The following GLIS3 variants were observed in gnomAD, a reference collection of about 807,000 sequenced individuals.
The protein encoded by GLIS3 is GLIS family zinc finger 3.
Under a neutral mutation model 78.6 loss-of-function variants are expected in GLIS3, and 53 were observed. The ratio of observed to expected loss-of-function variants is 0.67; its 90% CI spans 0.54 to 0.85. The LOEUF (loss-of-function observed/expected upper bound fraction) is 0.85, where lower values mean the gene tolerates loss of function less well. Ranked by LOEUF, GLIS3 falls within the 40% of genes least tolerant of loss-of-function variation. The probability of loss-of-function intolerance (pLI) is 0.00; values close to 1 mark genes in which losing one functional copy is unlikely to be tolerated. For missense variants in GLIS3, 1,703 were observed against 1,231.1 expected (o/e 1.38, Z -5.74); for synonymous variants, 684 against 509.9 (o/e 1.34, Z -4.60).
intron 2 of GLIS3, among the ~76,000 whole-genome samples, chr9:4,325,368 G>A (rs760513506): frequency 2.6e-5 from 4 of 152,112 alleles, no homozygotes; most frequent in Non-Finnish European, 4.4e-5. Context: ...AATGTGCTAG[G>A]GCATAATGTT....
rs1021911357 is a variant in GLIS3, at chr9:4,125,622, G to T, written c.596+112C>A. 24 of 784,420 alleles carry T rather than the reference G, an allele frequency of 3.1e-5. No homozygotes were observed. In the Admixed American group the frequency reaches 3.2e-4, roughly 10 times the overall value. 48.6% of individuals were successfully genotyped at this position (784,420 alleles called of 1,614,324 possible). On this transcript the variant is annotated intron_variant, in intron 3 of 10. Transcript: ENST00000381971. ...CAAATTGAGAGAGTTGCTTGAGTGT[G>T]TAAGTGTATGAGTGTGTGTGTGTGT... is the stretch of plus-strand genomic sequence containing the variant.
intron 4 of GLIS3, among the ~76,000 whole-genome samples, chr9:3,986,405 C>G (rs746712738): frequency 1.6e-4 from 25 of 152,182 alleles, no homozygotes; most frequent in Admixed American, 6.5e-4. Context: ...AATTCCACTC[C>G]CTTCTCACCA....
At chr9:4,395,350 A>G in the GLIS3 span, among the ~76,000 whole-genome samples, 1 of 152,124 alleles carries the variant, frequency 6.6e-6, no homozygotes, top group South Asian at 2.1e-4. Flanking sequence ...CGCTGACATG[A>G]TTTTCTTTTT....
chr9:4,181,619 C>A (rs770437216), intron 2 of GLIS3, among the ~76,000 whole-genome samples: 1 of 152,248 alleles, frequency 6.6e-6, no homozygotes, highest in Non-Finnish European at 1.5e-5. Context: ...CATGCACATG[C>A]AAGTGACTTT....
intron 4 of GLIS3, among the ~76,000 whole-genome samples, chr9:4,102,923 A>T (rs1830481504): frequency 6.6e-6 from 1 of 152,140 alleles, no homozygotes; most frequent in South Asian, 2.1e-4. Context: ...ACAGAGGAAT[A>T]AGTAGGTGTT....
At chr9:4,245,603 A>C (rs1485862327) in intron 2 of GLIS3, among the ~76,000 whole-genome samples, 1 of 152,222 alleles carries the variant, frequency 6.6e-6, no homozygotes, top group African/African-American at 2.4e-5. Context: ...AGAACAATGG[A>C]AACAAACAAG....
intron 1 of GLIS3, among the ~76,000 whole-genome samples, chr9:4,290,997 G>A (rs557372301): frequency 6.6e-6 from 1 of 152,022 alleles, no homozygotes; most frequent in Non-Finnish European, 1.5e-5. Context: ...CAGTACAACT[G>A]ACAAATTCAT....
chr9:4,446,143 T>G, the GLIS3 span, among the ~76,000 whole-genome samples: 1 of 152,238 alleles, frequency 6.6e-6, no homozygotes, highest in Non-Finnish European at 1.5e-5. Context: ...TGTTCTGGTC[T>G]GAATGTGTCC....
At chr9:4,072,325 T>G (rs7863639) in intron 4 of GLIS3, among the ~76,000 whole-genome samples, 54,855 of 151,740 alleles carry the variant, frequency 0.36, 9,918 homozygotes, top group East Asian at 0.4. Context: ...TCAGTGCAGT[T>G]TGAAATACTG....
intron 2 of GLIS3, among the ~76,000 whole-genome samples, chr9:4,205,950 T>G (rs1819840246): frequency 1.3e-5 from 2 of 152,222 alleles, no homozygotes; most frequent in Admixed American, 6.5e-5. Flanking sequence ...TTTCTTTTTT[T>G]TTAGTTTGTT....
chr9:3,890,164 C>G (rs1380614965), intron 7 of GLIS3, among the ~76,000 whole-genome samples: 1 of 152,170 alleles, frequency 6.6e-6, no homozygotes, highest in Non-Finnish European at 1.5e-5. Context: ...TTTCTTCCAC[C>G]TGCCTCACTC....
chr9:4,185,415 A>G (rs1021887383), intron 2 of GLIS3, among the ~76,000 whole-genome samples: 5 of 152,224 alleles, frequency 3.3e-5, no homozygotes, highest in Admixed American at 6.5e-5. Context: ...TGCCATGAAC[A>G]TTCACATGCA....
At chr9:4,424,481 G>C in the GLIS3 span, among the ~76,000 whole-genome samples, 2 of 152,136 alleles carry the variant, frequency 1.3e-5, no homozygotes, top group African/African-American at 2.4e-5. Flanking sequence ...ATCTTTAAAG[G>C]TCTAACGTGG....
intron 4 of GLIS3, among the ~76,000 whole-genome samples, chr9:4,059,825 TGTGTGAGAGA>T (rs1372606992): frequency 3.3e-5 from 4 of 120,270 alleles, no homozygotes; most frequent in African/African-American, 1.3e-4. Context: ...TGTGTGTGTG[TGTGTGAGAGA>T]GAGAGAGAGA....
At chr9:4,183,202 G>A (rs1471954503) in intron 2 of GLIS3, among the ~76,000 whole-genome samples, 2 of 152,130 alleles carry the variant, frequency 1.3e-5, no homozygotes, top group African/African-American at 2.4e-5. Flanking sequence ...GAAGCCAGGT[G>A]GTAGATATCA....
intron 2 of GLIS3, among the ~76,000 whole-genome samples, chr9:4,151,556 T>C (rs1444362362): frequency 6.6e-6 from 1 of 152,186 alleles, no homozygotes. Flanking sequence ...CAAAGAAAGT[T>C]TACAAGCAGT....
At chr9:3,919,480 T>A (rs1368073064) in intron 6 of GLIS3, among the ~76,000 whole-genome samples, 1 of 151,912 alleles carries the variant, frequency 6.6e-6, no homozygotes. Flanking sequence ...CTGGGGCCTG[T>A]TGGGAGGGTG....
chr9:4,394,215 T>C, the GLIS3 span, among the ~76,000 whole-genome samples: 1 of 151,926 alleles, frequency 6.6e-6, no homozygotes. Flanking sequence ...TTGAGGATTT[T>C]TAGATTTTCT....
At chr9:4,021,571 A>T (rs1350301633) in intron 4 of GLIS3, among the ~76,000 whole-genome samples, 1 of 152,172 alleles carries the variant, frequency 6.6e-6, no homozygotes, top group African/African-American at 2.4e-5. Context: ...AAATATAAGC[A>T]TCCATTGTAC....
Sources: allele counts gnomAD v4.1 joint callset (sites outside exome capture counted in the v4.1 genomes callset), GRCh38; gene constraint gnomAD v4.1.1; transcripts MANE v1.5; gene names NCBI Gene and HGNC (gene_info 2026-07-23, HGNC 2026-07-21).